Variants in MAMDC2 observed in about 807,000 individuals in gnomAD.
MAMDC2 encodes the protein MAM domain containing 2.
A neutral mutation model predicts 89.8 loss-of-function variants in MAMDC2; 57 were observed. The ratio of observed to expected loss-of-function variants is 0.63; its 90% CI spans 0.51 to 0.79. The LOEUF (loss-of-function observed/expected upper bound fraction) is 0.79. MAMDC2 is among the 30% of genes least tolerant of loss of function. MAMDC2 has a pLI of 0.00. For synonymous variants in MAMDC2, 313 were observed against 293.4 expected (o/e 1.07, Z -0.68); for missense variants, 800 against 820.6 (o/e 0.97, Z 0.31).
At chr9:70,044,819 A>G (rs1270432625) in intron 2 of MAMDC2, 122 bp downstream of exon 2, 4 of 798,506 alleles carry the variant, frequency 5.0e-6, no homozygotes, top group South Asian at 3.2e-5. Flanking sequence ...AGTGTGAGTC[A>G]TGGATCCTCC....
At chr9:70,065,999 G>A (rs912937546) in intron 2 of MAMDC2, among the ~76,000 whole-genome samples, 1 of 152,196 alleles carries the variant, frequency 6.6e-6, no homozygotes, top group African/African-American at 2.4e-5. Flanking sequence ...GGATATAGTA[G>A]TGAATGAAAC....
chr9:70,096,496 C>G (rs1310387024), intron 2 of MAMDC2, among the ~76,000 whole-genome samples: 2 of 152,186 alleles, frequency 1.3e-5, no homozygotes, highest in Admixed American at 1.3e-4. Flanking sequence ...TCAGCCCCCC[C>G]TTTGAGGAGC....
intron 2 of MAMDC2, among the ~76,000 whole-genome samples, chr9:70,051,150 AC>A (rs1348403221): frequency 6.6e-6 from 1 of 151,720 alleles, no homozygotes; most frequent in African/African-American, 2.4e-5. Context: ...CTCTTGCCTG[AC>A]CCCTCCACTT....
intron 2 of MAMDC2, among the ~76,000 whole-genome samples, chr9:70,067,087 C>T (rs1293577949): frequency 6.6e-6 from 1 of 152,144 alleles, no homozygotes; most frequent in East Asian, 1.9e-4. Flanking sequence ...GCAATGCAAC[C>T]TCAGTGAAGG....
Position 70,113,279 on chromosome 9 carries a change from G to T in MAMDC2, c.643+147G>T. On this transcript the variant is annotated intron_variant, in intron 5 of 13. Transcript: ENST00000377182. ...GTAGGAACTAAGTAGGAACCAGGAG[G>T]TGTGACAGAAGAGTAGGGAAGGATC... is the stretch of plus-strand genomic sequence containing the variant. 4 of 866,810 alleles carry T rather than the reference G, an allele frequency of 4.6e-6. No individual in the cohort carries two copies. The East Asian group carries it at 1.1e-4, about 23-fold the overall frequency. The allele number at this position is 866,810 out of a possible 1,614,324, so 53.7% of individuals were successfully genotyped here. A position where few individuals can be genotyped will look rare whatever the true frequency, so the allele number is the denominator to read the frequency against.
chr9:70,213,944 T>G (rs974884803), intron 11 of MAMDC2, among the ~76,000 whole-genome samples: 1 of 152,186 alleles, frequency 6.6e-6, no homozygotes, highest in Non-Finnish European at 1.5e-5. Flanking sequence ...TGGAGCCATG[T>G]GCCCTAGAAA....
chr9:70,076,673 G>A (rs10868485), intron 2 of MAMDC2, among the ~76,000 whole-genome samples: 73,882 of 151,932 alleles, frequency 0.49, 21,271 homozygotes, highest in Non-Finnish European at 0.63. Flanking sequence ...TTGGAGGATT[G>A]GTGCTCTTCT....
At chr9:70,044,505 G>C in intron 1 of MAMDC2, 79 bp from the exon 2 acceptor site, 2 of 1,146,008 alleles carry the variant, frequency 1.7e-6, no homozygotes, top group South Asian at 2.7e-5. Flanking sequence ...CTTTCACCAG[G>C]TAGTCCCCCT....
intron 2 of MAMDC2, among the ~76,000 whole-genome samples, chr9:70,103,999 A>G (rs561837661): frequency 1.3e-5 from 2 of 151,430 alleles, no homozygotes; most frequent in Admixed American, 1.3e-4. Context: ...AAAAAAAAAA[A>G]GGTGAAAAGA....
intron 6 of MAMDC2, among the ~76,000 whole-genome samples, chr9:70,127,193 T>A (rs543059415): frequency 1.3e-5 from 2 of 152,280 alleles, no homozygotes; most frequent in East Asian, 1.9e-4. Flanking sequence ...TAGATAAAAT[T>A]ATCTCCGTAT....
chr9:70,213,931 C>T (rs764968990), intron 11 of MAMDC2, among the ~76,000 whole-genome samples: 8 of 152,130 alleles, frequency 5.3e-5, no homozygotes, highest in African/African-American at 9.7e-5. Context: ...GGAGTGACTA[C>T]GGTGGAGCCA....
At chr9:70,167,874 T>C (rs2032219570) in intron 9 of MAMDC2, among the ~76,000 whole-genome samples, 1 of 152,202 alleles carries the variant, frequency 6.6e-6, no homozygotes, top group African/African-American at 2.4e-5. Flanking sequence ...ACACAGATCT[T>C]TGTCTTTGGA....
chr9:70,122,953 G>A (rs552087427), intron 5 of MAMDC2, among the ~76,000 whole-genome samples: 6 of 152,214 alleles, frequency 3.9e-5, no homozygotes, highest in Non-Finnish European at 7.4e-5. Flanking sequence ...CACTGCCTGG[G>A]AGCAGCCCAG....
chr9:70,179,785 C>CA (rs5898122), intron 11 of MAMDC2, among the ~76,000 whole-genome samples: 127,557 of 144,614 alleles, frequency 0.88, 56,732 homozygotes, highest in East Asian at 0.98. Flanking sequence ...CTTTTTCTAG[C>CA]AAAAAAAAAA....
At chr9:70,105,040 G>A (rs1189537222) in intron 2 of MAMDC2, among the ~76,000 whole-genome samples, 2 of 152,004 alleles carry the variant, frequency 1.3e-5, no homozygotes, top group African/African-American at 4.8e-5. Flanking sequence ...TCACTCGGTG[G>A]TAAAATGATT....
At chr9:70,046,799 G>A (rs1251253352) in intron 2 of MAMDC2, among the ~76,000 whole-genome samples, 1 of 152,220 alleles carries the variant, frequency 6.6e-6, no homozygotes, top group East Asian at 1.9e-4. Context: ...GGGTTGGCTG[G>A]CGGAAGTTAA....
At position 70,143,741 on chromosome 9, in the gene MAMDC2, G is replaced by T. The variant is rs1319064188; in HGVS notation, c.1326G>T (p.Lys442Asn). 1.2e-6 allele frequency: 2 copies of T among 1,614,052 alleles called. No homozygotes were observed. Among genetic ancestry groups the T allele is most frequent in the South Asian group, 1.1e-5 (1 of 91,076 alleles). Residue 442 changes from lysine (K) to asparagine (N), a missense_variant, in exon 9 of 14, where the codon AAG (lysine) becomes AAT (asparagine). By Grantham distance (94) the Lys-to-Asn change is moderately conservative. Coordinates refer to ENST00000377182, the MANE Select transcript of MAMDC2 (RefSeq NM_153267.5). Reference protein sequence around the residue: ...IFEENHVVQEKIWSVLESPRG... With the variant: ...IFEENHVVQENIWSVLESPRG... ...AAGAGAACCATGTGGTTCAAGAGAA[G>T]ATCTGGTCTGTGTTGGAGTCCCCAA...
intron 11 of MAMDC2, among the ~76,000 whole-genome samples, chr9:70,179,590 G>A: frequency 2.2e-5 from 3 of 138,888 alleles, no homozygotes; most frequent in Admixed American, 1.5e-4. Context: ...TTAAAATTAG[G>A]AACATAACTA....
chr9:70,140,735 T>C (rs917697459), intron 8 of MAMDC2, among the ~76,000 whole-genome samples: 1 of 152,166 alleles, frequency 6.6e-6, no homozygotes, highest in African/African-American at 2.4e-5. Flanking sequence ...CTGCACAGCA[T>C]TGTGAATGCT....
Sources: allele counts gnomAD v4.1 joint callset (sites outside exome capture counted in the v4.1 genomes callset), GRCh38; gene constraint gnomAD v4.1.1; transcripts MANE v1.5; gene names NCBI Gene and HGNC (gene_info 2026-07-23, HGNC 2026-07-21).